The following CGREF1 variants were observed in gnomAD, a reference collection of about 807,000 sequenced individuals.
The protein encoded by CGREF1 is cell growth regulator with EF hand domain protein 1.
Under a neutral mutation model 17.4 loss-of-function variants are expected in CGREF1, and 16 were observed. The observed-to-expected ratio is 0.92, with a 90% CI of 0.62 to 1.40. CGREF1 has a LOEUF of 1.40. Ranked by LOEUF, CGREF1 falls within the 40% of genes most tolerant of loss-of-function variation. The pLI is 0.00. For synonymous variants in CGREF1, 142 were observed against 154.6 expected (o/e 0.92, Z 0.61); for missense variants, 296 against 376.4 (o/e 0.79, Z 1.77).
intron 1 of CGREF1, among the ~76,000 whole-genome samples, chr2:27,111,361 A>G (rs1671374383): frequency 1.3e-5 from 2 of 152,236 alleles, no homozygotes; most frequent in Admixed American, 1.3e-4. Context: ...TGAGCTAGAT[A>G]CAGAGTGCCA....
downstream of CGREF1, chr2:27,099,966 G>T (rs1358750604): frequency 5.4e-5 from 56 of 1,027,542 alleles, no homozygotes; most frequent in Non-Finnish European, 7.9e-5. Flanking sequence ...CTTCCTCAGA[G>T]CCAGCTTCTC....
chr2:27,105,408 G>A (rs1406412139), intron 1 of CGREF1, among the ~76,000 whole-genome samples: 1 of 152,118 alleles, frequency 6.6e-6, no homozygotes, highest in African/African-American at 2.4e-5. Flanking sequence ...AGAGATGAGG[G>A]GTAGAGCAGG....
intron 1 of CGREF1, among the ~76,000 whole-genome samples, chr2:27,113,307 C>T (rs1671459184): frequency 6.6e-6 from 1 of 152,054 alleles, no homozygotes; most frequent in Non-Finnish European, 1.5e-5. Context: ...ATGGAAAGCA[C>T]CAACAGCTGC....
intron 1 of CGREF1, among the ~76,000 whole-genome samples, chr2:27,105,201 A>G (rs1223488443): frequency 6.6e-6 from 1 of 152,220 alleles, no homozygotes; most frequent in African/African-American, 2.4e-5. Context: ...ACCAAAGCCA[A>G]GGCATGAGAC....
chr2:27,100,662 C>T lies in CGREF1; in HGVS notation c.*612G>A. 1 of 1,062,878 alleles carries T rather than the reference C, an allele frequency of 9.4e-7. No homozygotes were observed. The highest frequency in any genetic ancestry group is 1.2e-6 in the Non-Finnish European group (1 of 820,256). 65.8% of individuals were successfully genotyped at this position (1,062,878 alleles called of 1,614,324 possible). A position where few individuals can be genotyped will look rare whatever the true frequency, so the allele number is the denominator to read the frequency against. On this transcript the variant is annotated 3_prime_UTR_variant, in exon 6 of 6. Transcript: ENST00000402394. ...GTACAGCACTTAACGCAATCTGCCT[C>T]AATTTCTTCATCTGTCAAATGGAAC...
intron 5 of CGREF1, 24 bp from the exon 6 acceptor site, chr2:27,101,912 G>T (rs1318032822): frequency 6.2e-7 from 1 of 1,604,892 alleles, no homozygotes. Flanking sequence ...GTCACTGTGG[G>T]GTCTCCAGGG....
At position 27,101,891 on chromosome 2, in the gene CGREF1, G is replaced by A; in HGVS notation, c.343-3C>T. ...ACTTTGTCCACTATCAAGATCACCTGTGGAAGCAGAGTCACTGTGGGGTCT... is the reference window on the plus strand; with the variant it reads ...ACTTTGTCCACTATCAAGATCACCTATGGAAGCAGAGTCACTGTGGGGTCT... On this transcript the variant is annotated splice_polypyrimidine_tract_variant and splice_region_variant and intron_variant, in intron 5 of 5. Transcript: ENST00000402394. The A allele has an allele frequency of 6.2e-7, 1 of 1,608,846 alleles. No individual in the cohort carries two copies. The highest frequency in any genetic ancestry group is 8.5e-7 in the Non-Finnish European group (1 of 1,177,652).
chr2:27,116,877 C>T (rs1304012533), intron 1 of CGREF1, among the ~76,000 whole-genome samples: 51 of 35,716 alleles, frequency 1.4e-3, no homozygotes, highest in Non-Finnish European at 1.1e-3. Flanking sequence ...CCTATTCTCT[C>T]TCTCTCTCTC....
In CGREF1 at chr2:27,100,623, C is replaced by A; in HGVS notation, c.*651G>T. 8.5e-7 allele frequency: 1 copy of A among 1,176,460 alleles called. No homozygotes were observed. The highest frequency in any genetic ancestry group is 1.3e-5 in the South Asian group (1 of 75,472). The allele number at this position is 1,176,460 out of a possible 1,614,324, so 72.9% of individuals were successfully genotyped here. A position where few individuals can be genotyped will look rare whatever the true frequency, so the allele number is the denominator to read the frequency against. ...TTAAAATCTGCCATTTAATTAGCTG[C>A]ATATCACCTTAGGGTACAGCACTTA... On this transcript the variant is annotated 3_prime_UTR_variant, in exon 6 of 6. Coordinates refer to ENST00000402394, the MANE Select transcript of CGREF1 (RefSeq NM_006569.6).
At chr2:27,112,024 C>G (rs999799237) in intron 1 of CGREF1, among the ~76,000 whole-genome samples, 4 of 152,224 alleles carry the variant, frequency 2.6e-5, no homozygotes, top group Admixed American at 6.5e-5. Context: ...CTCACCAGCA[C>G]TTTGGGAGGC....
intron 1 of CGREF1, among the ~76,000 whole-genome samples, chr2:27,109,731 C>T (rs565140582): frequency 1.5e-4 from 22 of 151,258 alleles, no homozygotes; most frequent in Middle Eastern, 3.4e-3. Flanking sequence ...ACTAAAAATA[C>T]AAAATTAGCT....
chr2:27,103,962 G>A (rs181460418), intron 2 of CGREF1, among the ~76,000 whole-genome samples: 15 of 152,162 alleles, frequency 9.9e-5, no homozygotes, highest in African/African-American at 2.2e-4. Context: ...CAGCCTGGGC[G>A]ACAGAGTAAG....
chr2:27,118,412 G>A (rs1671667139), intron 1 of CGREF1, among the ~76,000 whole-genome samples: 1 of 152,130 alleles, frequency 6.6e-6, no homozygotes, highest in Non-Finnish European at 1.5e-5. Flanking sequence ...AGGAGACAGC[G>A]GCTACAGGGC....
intron 2 of CGREF1, chr2:27,103,002 T>TA: frequency 2.0e-6 from 2 of 985,362 alleles, no homozygotes; most frequent in Non-Finnish European, 2.4e-6. Flanking sequence ...TGCCCAGTTT[T>TA]ATATAGACCC....
intron 1 of CGREF1, among the ~76,000 whole-genome samples, chr2:27,105,440 G>C (rs1169957784): frequency 6.6e-6 from 1 of 152,194 alleles, no homozygotes; most frequent in Admixed American, 6.5e-5. Context: ...CTAATGGGAA[G>C]ATAAACAAAA....
chr2:27,104,448 T>G, intron 1 of CGREF1, 71 bp from the exon 2 acceptor site: 10 of 1,579,400 alleles, frequency 6.3e-6, no homozygotes, highest in Non-Finnish European at 8.6e-6. Context: ...TGGGCTGGGT[T>G]AGACACAAGC....
intron 1 of CGREF1, among the ~76,000 whole-genome samples, chr2:27,116,871 T>TTCTCATTCTC (rs1671586605): frequency 3.0e-5 from 1 of 33,680 alleles, no homozygotes. Context: ...GCCAGGCCTA[T>TTCTCATTCTC]TCTCTCTCTC....
At chr2:27,107,678 T>TA (rs1280770895) in intron 1 of CGREF1, among the ~76,000 whole-genome samples, 1 of 151,228 alleles carries the variant, frequency 6.6e-6, no homozygotes, top group Non-Finnish European at 1.5e-5. Flanking sequence ...CTCATGCCTG[T>TA]AGTCCCCGCA....
At chr2:27,103,408 C>A (rs1200267123) in intron 2 of CGREF1, among the ~76,000 whole-genome samples, 2 of 151,692 alleles carry the variant, frequency 1.3e-5, no homozygotes, top group African/African-American at 4.8e-5. Context: ...GAGTCTCGCT[C>A]TGTCACCCAG....
Sources: gnomAD v4.1 joint callset for allele counts (sites outside exome capture counted in the v4.1 genomes callset) on GRCh38, gnomAD v4.1.1 for gene constraint, MANE v1.5 for transcripts, NCBI Gene and HGNC (gene_info 2026-07-23, HGNC 2026-07-21) for gene names.